The following TRPM3 variants were observed in gnomAD, a reference collection of about 807,000 sequenced individuals.
The protein encoded by TRPM3 is transient receptor potential cation channel subfamily M member 3.
In TRPM3, 77 loss-of-function variants were observed where a neutral mutation model predicts 181.2. The ratio of observed to expected loss-of-function variants is 0.42; its 90% CI spans 0.35 to 0.51. TRPM3 has a LOEUF of 0.51. Among genes scored for constraint, TRPM3 ranks in the 20% least tolerant of loss-of-function variants. The probability of loss-of-function intolerance (pLI) is 0.01; values close to 1 mark genes in which losing one functional copy is unlikely to be tolerated. For synonymous variants in TRPM3, 745 were observed against 796.4 expected, an observed-to-expected ratio of 0.94 and a Z score of 1.09; for missense variants, 1,759 against 2,196.7, an observed-to-expected ratio of 0.80 and a Z score of 3.98.
intron 1 of TRPM3, among the ~76,000 whole-genome samples, chr9:71,179,725 T>C (rs189942992): frequency 9.7e-4 from 147 of 152,262 alleles, no homozygotes; most frequent in Admixed American, 5.0e-3. Flanking sequence ...TTACTTGTCA[T>C]ACCAATCAAA....
rs913472650 is a variant in TRPM3 at position 70,668,695 on chromosome 9, A to G, written c.1345+12811T>C. ...AAGAAAAAAAAAAAAAAAAAAAAAAAAAGAAACATAGTAACTTCTATATTA... is the reference window on the plus strand; with the variant it reads ...AAGAAAAAAAAAAAAAAAAAAAAAAGAAGAAACATAGTAACTTCTATATTA... On this transcript the variant is annotated intron_variant, in intron 9 of 25. Transcript: ENST00000677713. Among the ~76,000 whole-genome samples, 9 of 148,174 alleles carry G rather than the reference A, an allele frequency of 6.1e-5. No individual in the cohort carries two copies. In the East Asian group the frequency reaches 1.7e-3, roughly 27 times the overall value.
intron 24 of TRPM3, among the ~76,000 whole-genome samples, chr9:70,551,750 CCCATGCTCCT>C (rs1285021573): frequency 6.6e-6 from 1 of 152,152 alleles, no homozygotes; most frequent in Admixed American, 6.5e-5. Flanking sequence ...GATTTTGTAT[CCCATGCTCCT>C]CCACATTGGC....
At chr9:70,962,237 G>T (rs2097143348) in intron 1 of TRPM3, among the ~76,000 whole-genome samples, 3 of 152,028 alleles carry the variant, frequency 2.0e-5, no homozygotes, top group African/African-American at 7.2e-5. Flanking sequence ...AGGTTATAGG[G>T]GAGAGTGTCA....
intron 25 of TRPM3, among the ~76,000 whole-genome samples, chr9:70,539,563 G>A (rs1162749518): frequency 6.6e-6 from 1 of 151,628 alleles, no homozygotes; most frequent in Admixed American, 6.6e-5. Context: ...ATCCCCAGGT[G>A]TATTCCCAGA....
At chr9:70,579,312 C>T (rs2054969226) in intron 22 of TRPM3, 1 of 152,192 alleles carries the variant, frequency 6.6e-6, no homozygotes, top group African/African-American at 2.4e-5. Context: ...TGGTCCCTCC[C>T]TCCCAGGAGG....
intron 1 of TRPM3, among the ~76,000 whole-genome samples, chr9:71,116,483 A>G (rs191361973): frequency 3.2e-4 from 48 of 152,320 alleles, no homozygotes; most frequent in African/African-American, 1.1e-3. Context: ...TCAACTATAG[A>G]AGACAGACCA....
chr9:71,154,594 C>T (rs1418915544), intron 1 of TRPM3, among the ~76,000 whole-genome samples: 1 of 152,152 alleles, frequency 6.6e-6, no homozygotes, highest in Admixed American at 6.6e-5. Flanking sequence ...CTTCTCCATC[C>T]CACAATAAAC....
chr9:70,761,477 C>T (rs1017732187), intron 8 of TRPM3, 124 bp downstream of exon 8: 6 of 1,365,902 alleles, frequency 4.4e-6, no homozygotes, highest in South Asian at 1.2e-5. Flanking sequence ...GCCAATGGAG[C>T]CTGAGGAGAG....
chr9:71,360,646 C>T (rs2092103052), intron 1 of TRPM3, among the ~76,000 whole-genome samples: 1 of 152,166 alleles, frequency 6.6e-6, no homozygotes, highest in African/African-American at 2.4e-5. Flanking sequence ...AAGGCAATAT[C>T]ATATACCAGC....
chr9:70,992,440 A>G (rs1590368674), intron 1 of TRPM3, among the ~76,000 whole-genome samples: 1 of 152,324 alleles, frequency 6.6e-6, no homozygotes, highest in East Asian at 1.9e-4. Context: ...GCAAATATTT[A>G]TGAGAGTCTA....
intron 22 of TRPM3, among the ~76,000 whole-genome samples, chr9:70,561,780 A>G (rs535658846): frequency 6.6e-5 from 10 of 152,292 alleles, no homozygotes; most frequent in African/African-American, 2.4e-4. Context: ...CTACAGTGCA[A>G]CAGACACACA....
At chr9:70,957,560 G>T (rs1014210369) in intron 1 of TRPM3, among the ~76,000 whole-genome samples, 1 of 151,790 alleles carries the variant, frequency 6.6e-6, no homozygotes, top group Non-Finnish European at 1.5e-5. Flanking sequence ...TTTTTTTGAA[G>T]ATGGCATCCA....
At chr9:71,261,138 A>G (rs2083024711) in intron 1 of TRPM3, among the ~76,000 whole-genome samples, 1 of 152,224 alleles carries the variant, frequency 6.6e-6, no homozygotes, top group Non-Finnish European at 1.5e-5. Context: ...TTTCAAGTAA[A>G]TCAATCAAAC....
chr9:71,321,730 C>G (rs1220246990), intron 1 of TRPM3, among the ~76,000 whole-genome samples: 1 of 152,068 alleles, frequency 6.6e-6, no homozygotes, highest in African/African-American at 2.4e-5. Flanking sequence ...CTAAAGGGGT[C>G]TAAGCTGGGG....
intron 1 of TRPM3, among the ~76,000 whole-genome samples, chr9:71,240,678 G>A (rs11142749): frequency 0.68 from 102,848 of 151,964 alleles, 34,914 homozygotes; most frequent in African/African-American, 0.69. Context: ...TGTAAAAAAA[G>A]TTATTTTAAG....
intron 1 of TRPM3, among the ~76,000 whole-genome samples, chr9:71,249,733 C>T (rs1040015191): frequency 6.6e-6 from 1 of 152,168 alleles, no homozygotes. Flanking sequence ...CAAAGACCTT[C>T]TCTTTAGTAC....
At chr9:71,112,511 A>T (rs2071346156) in intron 1 of TRPM3, among the ~76,000 whole-genome samples, 1 of 152,188 alleles carries the variant, frequency 6.6e-6, no homozygotes. Context: ...AATCACAAAA[A>T]AATTACCAAG....
rs140806650 is a variant in TRPM3, at chr9:71,080,518, G to A, written c.177+40660C>T. Among the ~76,000 whole-genome samples, 414 of 152,290 alleles carry A rather than the reference G, an allele frequency of 2.7e-3. 2 individuals are homozygous for A. Among genetic ancestry groups the A allele is most frequent in the African/African-American group, 9.5e-3 (395 of 41,566 alleles). On this transcript the variant is annotated intron_variant, in intron 1 of 25. Coordinates refer to ENST00000677713, the MANE Select transcript of TRPM3 (RefSeq NM_001366145.2). ...ATTCTTAGTAAGTTTATTTTGTGAT[G>A]TGGATTCTGTGTTTGAGGGATGATA...
At chr9:70,787,763 C>CTTTTTTTTTTT in intron 6 of TRPM3, among the ~76,000 whole-genome samples, 7 of 68,554 alleles carry the variant, frequency 1.0e-4, no homozygotes, top group African/African-American at 1.8e-4. Context: ...TTTTTGGATT[C>CTTTTTTTTTTT]TTTTTTTTTT....
Sources: gnomAD v4.1 joint callset for allele counts (sites outside exome capture counted in the v4.1 genomes callset) on GRCh38, gnomAD v4.1.1 for gene constraint, MANE v1.5 for transcripts, NCBI Gene and HGNC (gene_info 2026-07-23, HGNC 2026-07-21) for gene names.